Variants in WDFY3 observed in about 807,000 individuals in gnomAD.
The protein encoded by WDFY3 is WD repeat and FYVE domain-containing protein 3.
Under a neutral mutation model 409.6 loss-of-function variants are expected in WDFY3, and 66 were observed. That is an observed-to-expected ratio of 0.16 (90% CI 0.13 to 0.20). The LOEUF (loss-of-function observed/expected upper bound fraction) is 0.20. Among genes scored for constraint, WDFY3 ranks in the 10% least tolerant of loss-of-function variants. WDFY3 has a pLI of 1.00. For missense variants in WDFY3, 3,031 were observed against 4,298.1 expected, an observed-to-expected ratio of 0.71 and a Z score of 8.24; for synonymous variants, 1,521 against 1,537.1, an observed-to-expected ratio of 0.99 and a Z score of 0.25.
intron 46 of WDFY3, among the ~76,000 whole-genome samples, chr4:84,724,192 T>C (rs1735284714): frequency 6.6e-6 from 1 of 152,140 alleles, no homozygotes; most frequent in African/African-American, 2.4e-5. Flanking sequence ...AGAAATACAA[T>C]TAAAAAACCA....
Position 84,810,018 on chromosome 4 carries a change from G to A in WDFY3, c.2214C>T (p.Pro738=). ...GTCTTTGAAATGGCTGTGTATTTGA[G>A]GGGAAGACATTCATGGCGCTTATTT... The part of the protein sequence containing the change: ...LRKISAMNVF[P]SNTQPFQRLL... Residue 738 remains proline, a synonymous_variant, in exon 14 of 68, where the codon CCC becomes CCT. Coordinates refer to ENST00000295888, the MANE Select transcript of WDFY3 (RefSeq NM_014991.6). 10 of 1,614,188 alleles carry A rather than the reference G, an allele frequency of 6.2e-6. No homozygotes were observed. Among genetic ancestry groups the A allele is most frequent in the Non-Finnish European group, 8.5e-6 (10 of 1,180,008 alleles).
intron 66 of WDFY3, among the ~76,000 whole-genome samples, chr4:84,677,961 C>CAAAAAAA (rs986393073): frequency 1.1e-3 from 23 of 21,146 alleles, no homozygotes; most frequent in African/African-American, 2.3e-3. Context: ...GACCCTGTCT[C>CAAAAAAA]AAAAAAAAAA....
chr4:84,787,707 A>G lies in WDFY3; in HGVS notation c.3676T>C (p.Tyr1226His). 1 of 1,607,880 alleles carries G rather than the reference A, an allele frequency of 6.2e-7. No individual in the cohort carries two copies. The highest frequency in any genetic ancestry group is 8.5e-7 in the Non-Finnish European group (1 of 1,174,818). ...GAACCCCCTGGAGTACTGTGGACAT[A>G]ATGAAGCTGTAAGGAAGACAAAAGC... ...GQLVNTVKLH[Y>H]VHSTPGGSGS... is the part of the protein sequence containing the mutation. The change falls in exon 23 of 68, where the codon TAT becomes CAT. Residue 1226 changes from tyrosine to histidine, a missense_variant. By Grantham distance (83) the Tyr-to-His change is moderately conservative. Around this residue, in one of 16 missense-constraint regions of WDFY3, gnomAD observed 1,322 missense variants for 1,697.9 expected, o/e 0.78. Transcript: ENST00000295888.
intron 56 of WDFY3, among the ~76,000 whole-genome samples, chr4:84,699,347 TA>T (rs150230529): frequency 2.6e-4 from 40 of 152,346 alleles, no homozygotes; most frequent in Admixed American, 6.5e-4. Context: ...TCACTTTGCG[TA>T]ATGTTTTTGA....
intron 47 of WDFY3, among the ~76,000 whole-genome samples, chr4:84,720,561 T>C (rs1231958177): frequency 6.6e-6 from 1 of 152,128 alleles, no homozygotes; most frequent in Non-Finnish European, 1.5e-5. Context: ...CTTGGTGTTG[T>C]CCTGGCGGTA....
At chr4:84,759,730 T>A (rs1198433315) in intron 32 of WDFY3, among the ~76,000 whole-genome samples, 1 of 151,246 alleles carries the variant, frequency 6.6e-6, no homozygotes, top group East Asian at 1.9e-4. Context: ...TTTCTAGATA[T>A]ACAATCATGT....
intron 67 of WDFY3, among the ~76,000 whole-genome samples, chr4:84,674,949 C>A (rs1190477598): frequency 6.6e-6 from 1 of 150,676 alleles, no homozygotes; most frequent in Admixed American, 6.6e-5. Flanking sequence ...TCTATAAAAC[C>A]CATTATGGGT....
rs1187116247 is a variant in WDFY3, at chr4:84,670,913, CAG to C, written c.*1953_*1954del. On this transcript the variant is annotated 3_prime_UTR_variant, in exon 68 of 68. Transcript: ENST00000295888. ...GGGGAGTAAGACACAGAAAGGAAAA[CAG>C]AACACAACTTTTCTTTAAATTAAAG... 6.6e-6 allele frequency: 1 copy of C among 152,494 alleles called. No homozygotes were observed. Among genetic ancestry groups the C allele is most frequent in the African/African-American group, 2.4e-5 (1 of 41,424 alleles). The allele number at this position is 152,494 out of a possible 1,614,324, so 9.4% of individuals were successfully genotyped here. A position where few individuals can be genotyped will look rare whatever the true frequency, so the allele number is the denominator to read the frequency against.
rs1477446580 is a variant in WDFY3, at chr4:84,759,597, T to C, written c.5189-2436A>G. On this transcript the variant is annotated intron_variant, in intron 32 of 67. Transcript: ENST00000295888. ...AATGGGAGTTCACTCATGATTTGGCTCTCTGTTTGTCTGTTATTGGTGTAT... is the reference window on the plus strand; with the variant it reads ...AATGGGAGTTCACTCATGATTTGGCCCTCTGTTTGTCTGTTATTGGTGTAT... 4.8e-3 allele frequency among the ~76,000 whole-genome samples: 723 copies of C among 150,304 alleles called. 4 individuals carry two copies. Among genetic ancestry groups the C allele is most frequent in the Non-Finnish European group, 7.7e-3 (518 of 67,598 alleles).
At chr4:84,800,623 A>G (rs1578578155) in intron 17 of WDFY3, among the ~76,000 whole-genome samples, 1 of 152,206 alleles carries the variant, frequency 6.6e-6, no homozygotes, top group Non-Finnish European at 1.5e-5. Flanking sequence ...TTTATGTAAC[A>G]TTCTCAAAAT....
At position 84,783,035 on chromosome 4, in the gene WDFY3, A is replaced by G. The variant is rs1178843277; in HGVS notation, c.4102T>C (p.Leu1368=). Residue 1368 remains leucine (L), a synonymous_variant, in exon 25 of 68, where the codon TTG becomes CTG. Coordinates refer to ENST00000295888, the MANE Select transcript of WDFY3 (RefSeq NM_014991.6). ...SSHENATPVK[L]IHNSAGHLNG... ...AGATGTCCTGCTGAATTGTGTATCA[A>G]CTTCACAGGAGTGGCATTCTCATGT... 6.2e-7 allele frequency: 1 copy of G among 1,614,086 alleles called. No individual in the cohort carries two copies. The highest frequency in any genetic ancestry group is 8.5e-7 in the Non-Finnish European group (1 of 1,180,038).
chr4:84,872,732 A>G (rs868434095), intron 3 of WDFY3, among the ~76,000 whole-genome samples: 20 of 152,224 alleles, frequency 1.3e-4, no homozygotes, highest in African/African-American at 4.1e-4. Flanking sequence ...TAGTATCTAT[A>G]TGAATGTAAC....
At chr4:84,857,624 T>C (rs900928356) in intron 4 of WDFY3, among the ~76,000 whole-genome samples, 1 of 152,154 alleles carries the variant, frequency 6.6e-6, no homozygotes, top group Non-Finnish European at 1.5e-5. Flanking sequence ...ATTAGTAACT[T>C]CCCTGAATAG....
At chr4:84,676,687 A>G (rs993065456) in intron 67 of WDFY3, among the ~76,000 whole-genome samples, 1 of 152,226 alleles carries the variant, frequency 6.6e-6, no homozygotes, top group Non-Finnish European at 1.5e-5. Flanking sequence ...AAATGAATAT[A>G]TTACAATAAG....
intron 13 of WDFY3, 63 bp downstream of exon 13, chr4:84,817,329 A>G: frequency 3.2e-6 from 5 of 1,586,242 alleles, no homozygotes; most frequent in East Asian, 2.2e-5. Flanking sequence ...TTAAATACAG[A>G]TCATCTAAAA....
At chr4:84,741,316 G>A (rs1449957729) in intron 38 of WDFY3, among the ~76,000 whole-genome samples, 1 of 140,572 alleles carries the variant, frequency 7.1e-6, no homozygotes, top group African/African-American at 2.6e-5. Flanking sequence ...TCTCTATTCA[G>A]TTTTTTTTTT....
chr4:84,794,257 G>T (rs1341816245), intron 21 of WDFY3, among the ~76,000 whole-genome samples: 1 of 152,110 alleles, frequency 6.6e-6, no homozygotes, highest in Non-Finnish European at 1.5e-5. Context: ...CAAGCAACCT[G>T]CTTTCCTAGG....
At chr4:84,690,346 T>C (rs892040235) in intron 61 of WDFY3, among the ~76,000 whole-genome samples, 160 bp downstream of exon 61, 6 of 146,904 alleles carry the variant, frequency 4.1e-5, no homozygotes, top group Non-Finnish European at 9.2e-5. Flanking sequence ...TCTGATTTCC[T>C]TTTTTTTTCA....
At chr4:84,914,360 T>G (rs1459317680) in intron 2 of WDFY3, among the ~76,000 whole-genome samples, 2 of 152,012 alleles carry the variant, frequency 1.3e-5, no homozygotes, top group African/African-American at 2.4e-5. Context: ...GTTGCAGTGG[T>G]CCGAGATAGC....
Sources: gnomAD v4.1 joint callset for allele counts (sites outside exome capture counted in the v4.1 genomes callset) on GRCh38, gnomAD v4.1.1 for gene constraint, gnomAD v4.1.1 regional missense constraint, MANE v1.5 for transcripts, NCBI Gene and HGNC (gene_info 2026-07-23, HGNC 2026-07-21) for gene names.